The following PCYT1B variants were observed in gnomAD, a reference collection of about 807,000 sequenced individuals.
PCYT1B encodes phosphate cytidylyltransferase 1B, choline.
Under a neutral mutation model 26.4 loss-of-function variants are expected in PCYT1B, and 10 were observed. That is an observed-to-expected ratio of 0.38 (90% confidence interval 0.23 to 0.64). The LOEUF (loss-of-function observed/expected upper bound fraction) is 0.64. PCYT1B is among the 30% of genes least tolerant of loss of function. The probability of loss-of-function intolerance (pLI) is 0.56; values close to 1 mark genes in which losing one functional copy is unlikely to be tolerated. For missense variants in PCYT1B, 161 were observed against 292.7 expected (o/e 0.55, Z 3.28); for synonymous variants, 131 against 108.4 (o/e 1.21, Z -1.29).
chrX:24,667,738 T>C (rs1235550180), intron 1 of PCYT1B, among the ~76,000 whole-genome samples: 1 of 110,714 alleles, frequency 9.0e-6, no homozygotes, highest in East Asian at 2.8e-4. Context: ...GGTAAAAATA[T>C]AATATCTCCT....
intron 1 of PCYT1B, among the ~76,000 whole-genome samples, chrX:24,622,576 C>T (rs1262787805): frequency 8.9e-6 from 1 of 112,293 alleles, no homozygotes; most frequent in Non-Finnish European, 1.9e-5. Flanking sequence ...GGCCTGATAA[C>T]ATAAGGTAAT....
chrX:24,627,090 T>C (rs181322358), intron 1 of PCYT1B, among the ~76,000 whole-genome samples: 83 of 112,062 alleles, frequency 7.4e-4, no homozygotes, highest in African/African-American at 2.4e-3. Context: ...GTGAGCCATG[T>C]GGAGAAAGAG....
chrX:24,571,102 G>A (rs1403315570), intron 7 of PCYT1B, among the ~76,000 whole-genome samples: 1 of 112,100 alleles, frequency 8.9e-6, no homozygotes. Context: ...GTACCTTCCT[G>A]TGTGATTAAA....
chrX:24,651,454 C>CAAAAAAAAAA (rs1188690484), upstream of PCYT1B, among the ~76,000 whole-genome samples: 1 of 11,068 alleles, frequency 9.0e-5, no homozygotes, highest in Non-Finnish European at 1.8e-4. Context: ...GATGCCATCT[C>CAAAAAAAAAA]AAAAAAAAAA....
At chrX:24,662,373 TG>T (rs1324460298) in intron 1 of PCYT1B, among the ~76,000 whole-genome samples, 1 of 111,528 alleles carries the variant, frequency 9.0e-6, no homozygotes, top group Non-Finnish European at 1.9e-5. Flanking sequence ...ATCTTGGGGC[TG>T]GGGGTGCTGT....
intron 1 of PCYT1B, among the ~76,000 whole-genome samples, chrX:24,646,061 G>A (rs1448555034): frequency 1.8e-5 from 2 of 111,813 alleles, no homozygotes; most frequent in Non-Finnish European, 3.8e-5. Flanking sequence ...TAAAGGAAAG[G>A]ATAGCTTTAA....
chrX:24,662,671 GTC>G (rs762316266), intron 1 of PCYT1B, among the ~76,000 whole-genome samples: 1 of 111,783 alleles, frequency 8.9e-6, no homozygotes, highest in African/African-American at 3.2e-5. Flanking sequence ...GTTTCTAATA[GTC>G]TCTTTGTTTG....
chrX:24,670,529 G>A (rs1238960530), intron 1 of PCYT1B, among the ~76,000 whole-genome samples: 1 of 112,069 alleles, frequency 8.9e-6, no homozygotes, highest in African/African-American at 3.2e-5. Flanking sequence ...GCCTGCCTGT[G>A]TGAGAAAAGT....
intron 1 of PCYT1B, among the ~76,000 whole-genome samples, chrX:24,635,238 C>T (rs1926235163): frequency 8.9e-6 from 1 of 111,782 alleles, no homozygotes; most frequent in Non-Finnish European, 1.9e-5. Context: ...AAGTCTCATA[C>T]CATTGCAAAA....
chrX:24,625,118 AT>A (rs1482690546), intron 1 of PCYT1B, among the ~76,000 whole-genome samples: 1 of 112,325 alleles, frequency 8.9e-6, no homozygotes, highest in Non-Finnish European at 1.9e-5. Context: ...GTAGAAAAGA[AT>A]TTTACAAAGA....
chrX:24,569,220 T>C lies in PCYT1B; in HGVS notation c.897+5910A>G, dbSNP rs781484917. Among the ~76,000 whole-genome samples, 157 of 109,697 alleles carry C rather than the reference T, an allele frequency of 1.4e-3. 1 individual carries two copies. Among genetic ancestry groups the C allele is most frequent in the African/African-American group, 5.0e-3 (150 of 30,177 alleles). ...ATATTTTGTAGCTCTTTTCTCAAAA[T>C]CAAAAATCTTAAAAATTAGCAGTGC... On this transcript the variant is annotated intron_variant, in intron 7 of 7. Coordinates refer to ENST00000379144, the MANE Select transcript of PCYT1B (RefSeq NM_004845.5).
At chrX:24,602,798 TTTTA>T (rs948542420) in intron 3 of PCYT1B, among the ~76,000 whole-genome samples, 18 of 111,729 alleles carry the variant, frequency 1.6e-4, no homozygotes, top group Non-Finnish European at 3.0e-4. Context: ...TATTTACTTA[TTTTA>T]TTTATTTATT....
chrX:24,590,210 G>A, intron 3 of PCYT1B, 36 bp from the exon 4 acceptor site: 2 of 1,165,724 alleles, frequency 1.7e-6, no homozygotes, highest in Non-Finnish European at 2.3e-6. Context: ...CCATTACTCG[G>A]CCCAGGACCT....
At chrX:24,643,324 C>G (rs1926524350) in intron 1 of PCYT1B, among the ~76,000 whole-genome samples, 1 of 111,529 alleles carries the variant, frequency 9.0e-6, no homozygotes, top group Non-Finnish European at 1.9e-5. Flanking sequence ...CCCAAGGCCA[C>G]TCAGTTTCTC....
chrX:24,610,944 T>C (rs1038380264), intron 2 of PCYT1B, among the ~76,000 whole-genome samples: 16 of 112,273 alleles, frequency 1.4e-4, no homozygotes, highest in African/African-American at 5.2e-4. Context: ...CATTATTGGG[T>C]TCAAACAAGC....
intron 1 of PCYT1B, among the ~76,000 whole-genome samples, chrX:24,670,097 AAAGAAAGAAAGAAAGAAAGGAAGGAAGG>A (rs1927218378): frequency 2.9e-5 from 2 of 68,885 alleles, no homozygotes; most frequent in African/African-American, 9.9e-5. Flanking sequence ...AGAAAGAAAG[AAAGAAAGAAAGAAAGAAAGGAAGGAAGG>A]AAGGAAGGAA....
intron 2 of PCYT1B, among the ~76,000 whole-genome samples, chrX:24,618,148 T>A (rs1925575148): frequency 9.0e-6 from 1 of 111,726 alleles, no homozygotes; most frequent in African/African-American, 3.3e-5. Context: ...CTCTTCCCTA[T>A]CCATCCTCTG....
chrX:24,666,606 A>AGTGT (rs3859985), intron 1 of PCYT1B, among the ~76,000 whole-genome samples: 103 of 100,889 alleles, frequency 1.0e-3, no homozygotes, highest in African/African-American at 1.8e-3. Context: ...TATGTGTGTG[A>AGTGT]GTGTGTGTGT....
At chrX:24,661,634 A>T (rs1299443093) in intron 1 of PCYT1B, among the ~76,000 whole-genome samples, 3 of 111,976 alleles carry the variant, frequency 2.7e-5, no homozygotes, top group Non-Finnish European at 3.8e-5. Flanking sequence ...AATCAGCAAA[A>T]TCTAGATTGT....
Sources: allele counts gnomAD v4.1 joint callset (sites outside exome capture counted in the v4.1 genomes callset), GRCh38; gene constraint gnomAD v4.1.1; transcripts MANE v1.5; gene names NCBI Gene and HGNC (gene_info 2026-07-23, HGNC 2026-07-21).